Variants in SLFN14 observed in about 807,000 individuals in gnomAD.
SLFN14 encodes protein SLFN14.
Under a neutral mutation model 58.6 loss-of-function variants are expected in SLFN14, and 47 were observed. The ratio of observed to expected loss-of-function variants is 0.80; its 90% CI spans 0.64 to 1.02. The LOEUF (loss-of-function observed/expected upper bound fraction) is 1.02. SLFN14 is among the 50% of genes least tolerant of loss of function. SLFN14 has a pLI of 0.00. For missense variants in SLFN14, 967 were observed against 1,078.4 expected, an observed-to-expected ratio of 0.90 and a Z score of 1.45; for synonymous variants, 390 against 387.3, an observed-to-expected ratio of 1.01 and a Z score of -0.08.
chr17:35,556,146 T>A (rs1043562671), intron 3 of SLFN14, among the ~76,000 whole-genome samples: 5 of 152,040 alleles, frequency 3.3e-5, no homozygotes, highest in African/African-American at 1.2e-4. Flanking sequence ...CAAGCAATCC[T>A]CCCACCTCAG....
rs111912344 is a variant in SLFN14 at position 35,559,054 on chromosome 17, A to G, written c.-45+673T>C. Among the ~76,000 whole-genome samples, 6 of 90,484 alleles carry G rather than the reference A, an allele frequency of 6.6e-5. No homozygotes were observed. The Admixed American group carries it at 7.1e-4, about 11-fold the overall frequency. 59.4% of individuals were successfully genotyped at this position (90,484 alleles called of 152,430 possible). ...GCAAGACCCCATCTCGACAAAAGATAAAAAAAAAAAAAATGTTAAACATTA... is the reference window on the plus strand; with the variant it reads ...GCAAGACCCCATCTCGACAAAAGATGAAAAAAAAAAAAATGTTAAACATTA... On this transcript the variant is annotated intron_variant, in intron 2 of 5. Transcript: ENST00000674182.
At position 35,548,645 on chromosome 17, in the gene SLFN14, G is replaced by T. The variant is rs1360386785; in HGVS notation, c.2333C>A (p.Ala778Asp). The T allele has an allele frequency of 6.4e-7, 1 of 1,551,766 alleles. No individual in the cohort carries two copies. The highest frequency in any genetic ancestry group is 2.0e-5 in the Admixed American group (1 of 51,010). The change falls in exon 6 of 6, where the codon GCT becomes GAT. Residue 778 changes from alanine (A) to aspartate (D), a missense_variant. Coordinates refer to ENST00000674182, the MANE Select transcript of SLFN14 (RefSeq NM_001129820.2). ...CTTTGTCTCACACACCCCAGGCAGA[G>T]CCTGGGCACACGTTGCTTCCTCATA... is the stretch of plus-strand genomic sequence containing the variant. ...TAYEEATCAQ[A>D]LPGVCETKTN...
chr17:35,553,608 C>G, intron 4 of SLFN14, 164 bp from the exon 5 acceptor site: 1 of 629,436 alleles, frequency 1.6e-6, no homozygotes, highest in South Asian at 2.2e-5. Flanking sequence ...CCAACTCTCC[C>G]CCATCCCCAC....
At position 35,545,785 on chromosome 17, in the gene SLFN14, C is replaced by T. The variant is rs1453546245; in HGVS notation, c.*2454G>A. Among the ~76,000 whole-genome samples the T allele has an allele frequency of 6.6e-6, 1 of 152,130 alleles. No homozygotes were observed. The highest frequency in any genetic ancestry group is 2.4e-5 in the African/African-American group (1 of 41,442). ...TCTCAAAGTTCTGGTATTACAGGCACCAGCCACTGCACCCTGCCTGGACAA... is the reference window on the plus strand; with the variant it reads ...TCTCAAAGTTCTGGTATTACAGGCATCAGCCACTGCACCCTGCCTGGACAA... On this transcript the variant is annotated 3_prime_UTR_variant, in exon 6 of 6. Coordinates refer to ENST00000674182, the MANE Select transcript of SLFN14 (RefSeq NM_001129820.2).
At position 35,553,275 on chromosome 17, in the gene SLFN14, A is replaced by G. The variant is rs925271419; in HGVS notation, c.1359T>C (p.Asn453=). 6.4e-7 allele frequency: 1 copy of G among 1,551,688 alleles called. No individual in the cohort carries two copies. Among genetic ancestry groups the G allele is most frequent in the East Asian group, 2.4e-5 (1 of 40,920 alleles). Reference sequence around the variant, plus strand: ...CTATCAGGAGAGCATCACACAGGACATTCTGTTCTTTCCTGAAGCCAACAT... The same window carrying G: ...CTATCAGGAGAGCATCACACAGGACGTTCTGTTCTTTCCTGAAGCCAACAT... ...AGDVGFRKEQ[N]VLCDALLIAV... The change falls in exon 5 of 6, where the codon AAT becomes AAC. Residue 453 remains asparagine (N), a synonymous_variant. Coordinates refer to ENST00000674182, the MANE Select transcript of SLFN14 (RefSeq NM_001129820.2).
chr17:35,551,478 C>T (rs1398984177), intron 5 of SLFN14, among the ~76,000 whole-genome samples: 2 of 152,070 alleles, frequency 1.3e-5, no homozygotes, highest in Non-Finnish European at 2.9e-5. Flanking sequence ...ACAATCATGT[C>T]GTACCTAAGC....
At chr17:35,549,174 G>T in intron 5 of SLFN14, 101 bp from the exon 6 acceptor site, 3 of 912,698 alleles carry the variant, frequency 3.3e-6, no homozygotes, top group Non-Finnish European at 4.9e-6. Flanking sequence ...CTCATCTGCA[G>T]GCTGAGTCAT....
Position 35,546,482 on chromosome 17 carries a change from C to T in SLFN14, c.*1757G>A, listed in dbSNP as rs4795082. Among the ~76,000 whole-genome samples the T allele has an allele frequency of 0.25, 38,482 of 152,050 alleles. 5,111 individuals are homozygous for T. The highest frequency in any genetic ancestry group is 0.4 in the Middle Eastern group (117 of 294). Reference sequence around the variant, plus strand: ...TTCCACCTCTTGGAAGGCTGAGGGGCTTTATCTAAAATCATAACCAAAATT... The same window carrying T: ...TTCCACCTCTTGGAAGGCTGAGGGGTTTTATCTAAAATCATAACCAAAATT... On this transcript the variant is annotated 3_prime_UTR_variant, in exon 6 of 6. Coordinates refer to ENST00000674182, the MANE Select transcript of SLFN14 (RefSeq NM_001129820.2).
At position 35,557,416 on chromosome 17, in the gene SLFN14, G is replaced by A. The variant is rs1357224803; in HGVS notation, c.647C>T (p.Thr216Ile). Reference sequence around the variant, plus strand: ...AATCCGAGGTATGACTTTTTTGGTGGTGAACCTTTTAAATTCAACATGTGT... The same window carrying A: ...AATCCGAGGTATGACTTTTTTGGTGATGAACCTTTTAAATTCAACATGTGT... ...ESTHVEFKRF[T>I]TKKVIPRIKE... The change falls in exon 3 of 6, where the codon ACC (threonine) becomes ATC (isoleucine). Residue 216 changes from threonine (T) to isoleucine (I), a missense_variant. By Grantham distance (89) the Thr-to-Ile change is moderately conservative. Coordinates refer to ENST00000674182, the MANE Select transcript of SLFN14 (RefSeq NM_001129820.2). The A allele has an allele frequency of 7.7e-6, 12 of 1,551,556 alleles. No homozygotes were observed. Among genetic ancestry groups the A allele is most frequent in the Non-Finnish European group, 8.7e-7 (1 of 1,146,964 alleles).
intron 1 of SLFN14, among the ~76,000 whole-genome samples, chr17:35,560,188 T>C (rs1173020694): frequency 6.6e-6 from 1 of 152,234 alleles, no homozygotes; most frequent in Non-Finnish European, 1.5e-5. Flanking sequence ...CAAATCTAAT[T>C]GATTTTGAAT....
In SLFN14 at chr17:35,548,110, T is replaced by A; in HGVS notation, c.*129A>T. On this transcript the variant is annotated 3_prime_UTR_variant, in exon 6 of 6. Coordinates refer to ENST00000674182, the MANE Select transcript of SLFN14 (RefSeq NM_001129820.2). Reference sequence around the variant, plus strand: ...TGGAAGGCTCAGCTCCAAGAGACATTTCTGTGGCTCCAGGCCATACTGATG... The same window carrying A: ...TGGAAGGCTCAGCTCCAAGAGACATATCTGTGGCTCCAGGCCATACTGATG... 1.1e-6 allele frequency: 1 copy of A among 903,134 alleles called. No homozygotes were observed. The highest frequency in any genetic ancestry group is 1.6e-6 in the Non-Finnish European group (1 of 612,898). The allele number at this position is 903,134 out of a possible 1,614,324, so 55.9% of individuals were successfully genotyped here. A position where few individuals can be genotyped will look rare whatever the true frequency, so the allele number is the denominator to read the frequency against.
Position 35,544,810 on chromosome 17 carries a change from G to A in SLFN14, c.*3429C>T, listed in dbSNP as rs904177713. Among the ~76,000 whole-genome samples the A allele has an allele frequency of 2.0e-5, 3 of 152,062 alleles. No individual in the cohort carries two copies. The highest frequency in any genetic ancestry group is 7.2e-5 in the African/African-American group (3 of 41,398). On this transcript the variant is annotated 3_prime_UTR_variant, in exon 6 of 6. Coordinates refer to ENST00000674182, the MANE Select transcript of SLFN14 (RefSeq NM_001129820.2). Reference sequence around the variant, plus strand: ...CCCAAAGTGCTAGGATTACCAGCATGAGCCCCTGCGCCCAGCCTGATTTAA... The same window carrying A: ...CCCAAAGTGCTAGGATTACCAGCATAAGCCCCTGCGCCCAGCCTGATTTAA...
At chr17:35,554,244 C>T (rs1355041517) in intron 4 of SLFN14, among the ~76,000 whole-genome samples, 1 of 149,032 alleles carries the variant, frequency 6.7e-6, no homozygotes, top group Non-Finnish European at 1.5e-5. Flanking sequence ...GGAAGGCACA[C>T]AGAAATAGTA....
At position 35,548,970 on chromosome 17, in the gene SLFN14, T is replaced by G. The variant is rs1460782081; in HGVS notation, c.2008A>C (p.Lys670Gln). The change falls in exon 6 of 6, where the codon AAA becomes CAA. Residue 670 changes from lysine to glutamine, a missense_variant. Transcript: ENST00000674182. Reference protein sequence around the residue: ...VMDETENFCSKYGNWYMKAKN... With the variant: ...VMDETENFCSQYGNWYMKAKN... ...GCCTTCATGTACCAATTGCCATATTTGCTGCAGAAATTCTCAGTCTCATCC... is the reference window on the plus strand; with the variant it reads ...GCCTTCATGTACCAATTGCCATATTGGCTGCAGAAATTCTCAGTCTCATCC... 6.4e-7 allele frequency: 1 copy of G among 1,551,724 alleles called. No individual in the cohort carries two copies. The highest frequency in any genetic ancestry group is 1.7e-4 in the Middle Eastern group (1 of 5,992).
In SLFN14 at chr17:35,560,733, A is replaced by T. The variant is rs576260485; in HGVS notation, c.-124+34T>A. Among the ~76,000 whole-genome samples the T allele has an allele frequency of 7.4e-5, 11 of 147,932 alleles. No individual in the cohort carries two copies. The East Asian group carries it at 2.2e-3, about 29-fold the overall frequency. On this transcript the variant is annotated intron_variant, in intron 1 of 5. Coordinates refer to ENST00000674182, the MANE Select transcript of SLFN14 (RefSeq NM_001129820.2). ...GACTGCACCTAAAATTAGATAAATG[A>T]GATATTTTTAAGAATTTTTTTTTTT...
rs938404137 is a variant in SLFN14, at chr17:35,544,198, A to C, written c.*4041T>G. On this transcript the variant is annotated 3_prime_UTR_variant, in exon 6 of 6. Transcript: ENST00000674182. ...AGAGTAAACCCAATGCTGAAAGTCCATGTACAGCCTCTGTGCACATCAGAA... is the reference window on the plus strand; with the variant it reads ...AGAGTAAACCCAATGCTGAAAGTCCCTGTACAGCCTCTGTGCACATCAGAA... Among the ~76,000 whole-genome samples, 1 of 152,226 alleles carries C rather than the reference A, an allele frequency of 6.6e-6. No individual in the cohort carries two copies. The highest frequency in any genetic ancestry group is 6.5e-5 in the Admixed American group (1 of 15,272).
chr17:35,548,636 C>T lies in SLFN14; in HGVS notation c.2342G>A (p.Gly781Glu), dbSNP rs899814437. Residue 781 changes from glycine to glutamate, a missense_variant, in exon 6 of 6, where the codon GGG (glycine) becomes GAG (glutamate). Transcript: ENST00000674182. ...CAGATTAGTCTTTGTCTCACACACC[C>T]CAGGCAGAGCCTGGGCACACGTTGC... ...EEATCAQALPGVCETKTNLTT... is the reference protein window; with the variant it reads ...EEATCAQALPEVCETKTNLTT... 6.4e-7 allele frequency: 1 copy of T among 1,551,642 alleles called. No homozygotes were observed. Among genetic ancestry groups the T allele is most frequent in the Non-Finnish European group, 8.7e-7 (1 of 1,147,012 alleles).
rs2072559204 is a variant in SLFN14, at chr17:35,548,935, G to A, written c.2043C>T (p.Ile681=). The A allele has an allele frequency of 3.2e-6, 5 of 1,551,732 alleles. No homozygotes were observed. The highest frequency in any genetic ancestry group is 1.7e-4 in the Middle Eastern group (1 of 5,992). ...CAGTCCCCTTCGCCTTTGGATGGGT[G>A]ATGTTCTTAGCCTTCATGTACCAAT... is the stretch of plus-strand genomic sequence containing the variant. ...YGNWYMKAKN[I]THPKAKGTGS... is the part of the protein sequence containing the mutation. The change falls in exon 6 of 6, where the codon ATC becomes ATT. Residue 681 remains isoleucine (I), a synonymous_variant. Coordinates refer to ENST00000674182, the MANE Select transcript of SLFN14 (RefSeq NM_001129820.2).
intron 2 of SLFN14, 50 bp from the exon 3 acceptor site, chr17:35,558,156 AT>A: frequency 8.8e-7 from 1 of 1,134,508 alleles, no homozygotes; most frequent in Non-Finnish European, 1.2e-6. Context: ...AATTCCAAAG[AT>A]TACAATATTT....
Sources: allele counts gnomAD v4.1 joint callset (sites outside exome capture counted in the v4.1 genomes callset), GRCh38; gene constraint gnomAD v4.1.1; transcripts MANE v1.5; gene names NCBI Gene and HGNC (gene_info 2026-07-23, HGNC 2026-07-21).